The following P4HA1 variants were observed in gnomAD, a reference collection of about 807,000 sequenced individuals.
P4HA1 encodes prolyl 4-hydroxylase subunit alpha-1.
Under a neutral mutation model 72.8 loss-of-function variants are expected in P4HA1, and 24 were observed. The ratio of observed to expected loss-of-function variants is 0.33; its 90% confidence interval spans 0.24 to 0.46. The LOEUF (loss-of-function observed/expected upper bound fraction) is 0.46, where lower values mean the gene tolerates loss of function less well. Among genes scored for constraint, P4HA1 ranks in the 20% least tolerant of loss-of-function variants. The pLI, the probability that P4HA1 is intolerant of heterozygous loss-of-function variation, is 1.00. For synonymous variants in P4HA1, 201 were observed against 218.8 expected (o/e 0.92, Z 0.72); for missense variants, 446 against 640.6 (o/e 0.70, Z 3.28).
chr10:73,076,085 GAATA>G (rs1038905605), intron 1 of P4HA1, among the ~76,000 whole-genome samples: 8 of 151,894 alleles, frequency 5.3e-5, no homozygotes, highest in African/African-American at 1.7e-4. Context: ...TAAAAAACAT[GAATA>G]AATAAAATAA....
At chr10:73,053,279 G>GA in intron 6 of P4HA1, 72 bp downstream of exon 6, 3 of 1,435,040 alleles carry the variant, frequency 2.1e-6, no homozygotes, top group Non-Finnish European at 2.9e-6. Context: ...ATAAATGAGG[G>GA]AAAGACAGAA....
At chr10:73,040,476 ATTTTTTTT>A (rs1217054869) in intron 9 of P4HA1, among the ~76,000 whole-genome samples, 1 of 123,590 alleles carries the variant, frequency 8.1e-6, no homozygotes, top group Non-Finnish European at 1.6e-5. Flanking sequence ...GAATTCATGA[ATTTTTTTT>A]TTTTTTTTTT....
At chr10:73,054,614 A>C (rs1327316286) in intron 5 of P4HA1, among the ~76,000 whole-genome samples, 1 of 152,210 alleles carries the variant, frequency 6.6e-6, no homozygotes, top group Non-Finnish European at 1.5e-5. Context: ...GAGTATATAC[A>C]TATGAATGGA....
intron 2 of P4HA1, 67 bp from the exon 3 acceptor site, chr10:73,073,894 A>G: frequency 1.3e-6 from 1 of 791,198 alleles, no homozygotes; most frequent in Middle Eastern, 2.7e-4. Context: ...AATAAGAATG[A>G]TTGAGACTGT....
At chr10:73,046,264 T>C (rs1209312581) in intron 8 of P4HA1, among the ~76,000 whole-genome samples, 1 of 152,182 alleles carries the variant, frequency 6.6e-6, no homozygotes, top group Non-Finnish European at 1.5e-5. Context: ...TGATGGCAGC[T>C]TGTATTTTAC....
At position 73,094,399 on chromosome 10, in the gene P4HA1, G is replaced by A. The variant is rs149286573; in HGVS notation, c.-33+2367C>T. Among the ~76,000 whole-genome samples, 992 of 152,010 alleles carry A rather than the reference G, an allele frequency of 6.5e-3. 14 individuals carry two copies. The highest frequency in any genetic ancestry group is 0.022 in the African/African-American group (931 of 41,468). ...ATAAAGTTCATGAATGGACTTGAGTGGGGGGGCAGGAAGTGACATACAAAA... is the reference window on the plus strand; with the variant it reads ...ATAAAGTTCATGAATGGACTTGAGTAGGGGGGCAGGAAGTGACATACAAAA... On this transcript the variant is annotated intron_variant, in intron 1 of 14. Transcript: ENST00000394890.
chr10:73,078,742 G>C (rs1452192325), intron 1 of P4HA1, among the ~76,000 whole-genome samples: 4 of 150,562 alleles, frequency 2.7e-5, no homozygotes, highest in African/African-American at 7.3e-5. Context: ...CTCCCAAGTA[G>C]CTGGGATTAT....
intron 1 of P4HA1, among the ~76,000 whole-genome samples, chr10:73,095,780 AAG>A (rs886078298): frequency 1.3e-5 from 2 of 152,222 alleles, no homozygotes; most frequent in Admixed American, 6.5e-5. Flanking sequence ...GCAAAATTCC[AAG>A]AGTCTTCACT....
chr10:73,074,829 G>C lies in P4HA1; in HGVS notation c.55C>G (p.Pro19Ala). The change falls in exon 2 of 15, where the codon CCA (proline) becomes GCA (alanine). Residue 19 changes from proline to alanine, a missense_variant. Coordinates refer to ENST00000394890, the MANE Select transcript of P4HA1 (RefSeq NM_001017962.3). ...GILLPQSLAH[P>A]GFFTSIGQMT... ...TTACCAATTGAAGTAAAAAAGCCTG[G>C]ATGAGCCAAAGACTGGGGAAGCAGA... 6.4e-7 allele frequency: 1 copy of C among 1,573,340 alleles called. No homozygotes were observed. The highest frequency in any genetic ancestry group is 1.1e-5 in the South Asian group (1 of 90,022).
At chr10:73,073,581 T>A (rs1386181362) in intron 3 of P4HA1, 150 bp downstream of exon 3, 3 of 594,286 alleles carry the variant, frequency 5.0e-6, no homozygotes, top group African/African-American at 1.9e-5. Flanking sequence ...GGCCCAAGCC[T>A]AACTTGTTCT....
At chr10:73,095,065 A>G (rs1254033849) in intron 1 of P4HA1, among the ~76,000 whole-genome samples, 2 of 152,166 alleles carry the variant, frequency 1.3e-5, no homozygotes, top group Non-Finnish European at 2.9e-5. Flanking sequence ...AACATTTGTC[A>G]TCAGCTATCA....
intron 10 of P4HA1, among the ~76,000 whole-genome samples, chr10:73,024,166 C>T (rs1840206326): frequency 6.6e-6 from 1 of 152,166 alleles, no homozygotes; most frequent in Non-Finnish European, 1.5e-5. Flanking sequence ...GAACTCTGTC[C>T]ACCCCAAATC....
At chr10:73,089,606 G>A (rs961186923) in intron 1 of P4HA1, among the ~76,000 whole-genome samples, 6 of 150,330 alleles carry the variant, frequency 4.0e-5, no homozygotes, top group Middle Eastern at 3.2e-3. Context: ...AAAAAATCAT[G>A]GTATATTCAT....
intron 1 of P4HA1, among the ~76,000 whole-genome samples, chr10:73,079,604 T>G (rs1444257352): frequency 6.6e-6 from 1 of 151,966 alleles, no homozygotes; most frequent in Non-Finnish European, 1.5e-5. Flanking sequence ...TAGCCGGGCG[T>G]GGTGGCAGGC....
intron 9 of P4HA1, among the ~76,000 whole-genome samples, chr10:73,042,711 C>T (rs1477865684): frequency 1.3e-5 from 2 of 150,746 alleles, no homozygotes; most frequent in Admixed American, 1.3e-4. Flanking sequence ...TAATTCTCAA[C>T]AGGGGTGGAG....
chr10:73,039,844 C>G (rs1481611550), intron 9 of P4HA1, among the ~76,000 whole-genome samples: 1 of 145,076 alleles, frequency 6.9e-6, no homozygotes, highest in East Asian at 2.0e-4. Flanking sequence ...CATTTGGCAA[C>G]TGAGATGGCC....
intron 4 of P4HA1, among the ~76,000 whole-genome samples, chr10:73,070,836 T>A (rs919613849): frequency 6.6e-6 from 1 of 152,154 alleles, no homozygotes; most frequent in Middle Eastern, 3.2e-3. Flanking sequence ...GTTCACATTA[T>A]AAAACAACTT....
chr10:73,026,244 G>T (rs1840264732), intron 10 of P4HA1, among the ~76,000 whole-genome samples: 1 of 152,112 alleles, frequency 6.6e-6, no homozygotes, highest in Non-Finnish European at 1.5e-5. Context: ...CATAGTACTG[G>T]TACCAAAACA....
At chr10:73,084,450 C>G (rs955613234) in intron 1 of P4HA1, among the ~76,000 whole-genome samples, 1 of 152,098 alleles carries the variant, frequency 6.6e-6, no homozygotes, top group African/African-American at 2.4e-5. Flanking sequence ...TGTGCCACCA[C>G]GACCGGCCAA....
Sources: gnomAD v4.1 joint callset for allele counts (sites outside exome capture counted in the v4.1 genomes callset) on GRCh38, gnomAD v4.1.1 for gene constraint, MANE v1.5 for transcripts, NCBI Gene and HGNC (gene_info 2026-07-23, HGNC 2026-07-21) for gene names.